GRID2: variants seen among roughly 807,000 people sequenced by gnomAD.
GRID2 encodes glutamate ionotropic receptor delta type subunit 2, also known as glutamate receptor ionotropic, delta-2.
Under a neutral mutation model 114.8 loss-of-function variants are expected in GRID2, and 33 were observed. The observed-to-expected ratio is 0.29, with a 90% CI of 0.22 to 0.38. The LOEUF (loss-of-function observed/expected upper bound fraction) is 0.38. GRID2 is among the 10% of genes least tolerant of loss of function. The probability of loss-of-function intolerance (pLI) is 1.00; values close to 1 mark genes in which losing one functional copy is unlikely to be tolerated. For synonymous variants in GRID2, 505 were observed against 449.9 expected, an observed-to-expected ratio of 1.12 and a Z score of -1.55; for missense variants, 1,184 against 1,257.7, an observed-to-expected ratio of 0.94 and a Z score of 0.89.
chr4:93,628,092 T>G (rs1578433038), intron 14 of GRID2, among the ~76,000 whole-genome samples: 1 of 152,170 alleles, frequency 6.6e-6, no homozygotes, highest in Non-Finnish European at 1.5e-5. Context: ...GAGAATCGCT[T>G]GAGCTTGGGA....
intron 9 of GRID2, among the ~76,000 whole-genome samples, chr4:93,399,161 T>G (rs1289490899): frequency 6.6e-6 from 1 of 151,994 alleles, no homozygotes; most frequent in Non-Finnish European, 1.5e-5. Flanking sequence ...CGTCCAACAC[T>G]TTCCAGAAGA....
chr4:93,583,999 A>G (rs1434005809), intron 13 of GRID2, among the ~76,000 whole-genome samples: 1 of 152,150 alleles, frequency 6.6e-6, no homozygotes, highest in Non-Finnish European at 1.5e-5. Flanking sequence ...ATGCTGAAAC[A>G]TTTCTCTAGA....
intron 1 of GRID2, among the ~76,000 whole-genome samples, chr4:92,322,292 GA>G (rs763051298): frequency 4.0e-4 from 60 of 151,884 alleles, no homozygotes; most frequent in Non-Finnish European, 8.1e-4. Context: ...GGCTGATTCT[GA>G]TGTTTAGCTC....
intron 1 of GRID2, among the ~76,000 whole-genome samples, chr4:93,796,894 T>C: frequency 6.6e-6 from 1 of 152,184 alleles, no homozygotes; most frequent in Non-Finnish European, 1.5e-5. Context: ...CAATTTAATG[T>C]ACAGTCATGC....
chr4:92,611,152 G>T (rs1729728078), intron 2 of GRID2, among the ~76,000 whole-genome samples: 1 of 149,440 alleles, frequency 6.7e-6, no homozygotes, highest in South Asian at 2.1e-4. Context: ...GTGCATGTGT[G>T]TGTGTGTGTG....
chr4:92,954,623 T>A (rs1332004184), intron 2 of GRID2, among the ~76,000 whole-genome samples: 16 of 150,892 alleles, frequency 1.1e-4, no homozygotes, highest in African/African-American at 3.9e-4. Flanking sequence ...TTTTTTTTTA[T>A]TATTATTATA....
intron 13 of GRID2, among the ~76,000 whole-genome samples, chr4:93,620,102 TCA>T (rs1169518716): frequency 9.9e-5 from 15 of 152,216 alleles, no homozygotes; most frequent in Non-Finnish European, 2.1e-4. Context: ...ATCAGCTGTC[TCA>T]CAGTGTTGTA....
chr4:92,907,854 T>C (rs191136574), intron 2 of GRID2, among the ~76,000 whole-genome samples: 35 of 152,128 alleles, frequency 2.3e-4, no homozygotes, highest in East Asian at 7.8e-4. Flanking sequence ...TGAATCCCTG[T>C]CTCTACAAAA....
At chr4:93,438,191 C>T (rs1394465551) in intron 10 of GRID2, among the ~76,000 whole-genome samples, 1 of 151,990 alleles carries the variant, frequency 6.6e-6, no homozygotes, top group African/African-American at 2.4e-5. Context: ...CCTCGGCCTT[C>T]AAAGATCTCT....
intron 2 of GRID2, among the ~76,000 whole-genome samples, chr4:92,834,498 T>C (rs928175752): frequency 3.9e-5 from 6 of 152,098 alleles, no homozygotes; most frequent in African/African-American, 1.4e-4. Context: ...AATGAGGGAT[T>C]CTGAATTTTT....
At chr4:93,595,338 C>A (rs1268126206) in intron 13 of GRID2, among the ~76,000 whole-genome samples, 1 of 152,128 alleles carries the variant, frequency 6.6e-6, no homozygotes, top group African/African-American at 2.4e-5. Context: ...GCCTTCTTTT[C>A]ATGCATTACA....
chr4:92,948,662 A>G (rs1250025420), intron 2 of GRID2, among the ~76,000 whole-genome samples: 1 of 151,938 alleles, frequency 6.6e-6, no homozygotes, highest in Non-Finnish European at 1.5e-5. Flanking sequence ...GCCTAGAATA[A>G]ACGTTCTTAA....
intron 14 of GRID2, among the ~76,000 whole-genome samples, chr4:93,730,703 G>A (rs1172066192): frequency 6.6e-6 from 1 of 152,144 alleles, no homozygotes; most frequent in Non-Finnish European, 1.5e-5. Context: ...AGAAAACAAC[G>A]GAAAAGAGCC....
chr4:92,542,122 C>A (rs1725996537), intron 1 of GRID2, among the ~76,000 whole-genome samples: 1 of 151,938 alleles, frequency 6.6e-6, no homozygotes. Context: ...TCCTCATTAA[C>A]TTTTTAGAAA....
chr4:93,743,099 A>G (rs1731553574), intron 14 of GRID2, among the ~76,000 whole-genome samples: 1 of 152,178 alleles, frequency 6.6e-6, no homozygotes. Context: ...TATTACTGAA[A>G]ATGGAGAAAG....
intron 13 of GRID2, among the ~76,000 whole-genome samples, chr4:93,542,136 T>C (rs1732711389): frequency 6.6e-6 from 1 of 152,186 alleles, no homozygotes; most frequent in South Asian, 2.1e-4. Flanking sequence ...GATTGTCTGT[T>C]TCCTCTCACT....
At chr4:92,414,353 G>A (rs1045765939) in intron 1 of GRID2, among the ~76,000 whole-genome samples, 9 of 152,280 alleles carry the variant, frequency 5.9e-5, no homozygotes, top group South Asian at 2.1e-4. Context: ...CAAAACTTTC[G>A]TGATTGTCTC....
At chr4:92,459,160 T>TA (rs1407503636) in intron 1 of GRID2, among the ~76,000 whole-genome samples, 32 of 152,314 alleles carry the variant, frequency 2.1e-4, no homozygotes, top group African/African-American at 7.0e-4. Flanking sequence ...GGTAAAACAG[T>TA]AACTTAAAAT....
At chr4:93,260,148 G>A (rs989153283) in intron 8 of GRID2, among the ~76,000 whole-genome samples, 3 of 151,538 alleles carry the variant, frequency 2.0e-5, no homozygotes, top group African/African-American at 7.3e-5. Flanking sequence ...TTGATACTTT[G>A]CCCTACTGGA....
Sources: gnomAD v4.1 joint callset for allele counts (sites outside exome capture counted in the v4.1 genomes callset) on GRCh38, gnomAD v4.1.1 for gene constraint, MANE v1.5 for transcripts, NCBI Gene and HGNC (gene_info 2026-07-23, HGNC 2026-07-21) for gene names.